EP400: variants seen among roughly 807,000 people sequenced by gnomAD.
EP400 encodes E1A-binding protein p400.
Under a neutral mutation model 354.1 loss-of-function variants are expected in EP400, and 105 were observed. The observed-to-expected ratio is 0.30, with a 90% CI of 0.25 to 0.35. EP400 has a LOEUF of 0.35. EP400 is among the 10% of genes least tolerant of loss of function. The pLI, the probability that EP400 is intolerant of heterozygous loss-of-function variation, is 1.00. For synonymous variants in EP400, 1,646 were observed against 1,716.9 expected, an observed-to-expected ratio of 0.96 and a Z score of 1.02; for missense variants, 3,280 against 4,121.0, an observed-to-expected ratio of 0.80 and a Z score of 5.59.
chr12:132,044,997 C>A lies in EP400; in HGVS notation c.6784+44C>A, dbSNP rs201871498. 8.9e-4 allele frequency: 1,422 copies of A among 1,605,466 alleles called. 2 individuals carry two copies. Among genetic ancestry groups the A allele is most frequent in the Non-Finnish European group, 1.1e-3 (1,353 of 1,176,780 alleles). Reference sequence around the variant, plus strand: ...TCACATGACCTGGGGGGGCCCTGGCCTGCAGAATCCCTGCATGTCAGCCAC... The same window carrying A: ...TCACATGACCTGGGGGGGCCCTGGCATGCAGAATCCCTGCATGTCAGCCAC... On this transcript the variant is annotated intron_variant, in intron 37 of 52. Coordinates refer to ENST00000389561, the MANE Select transcript of EP400 (RefSeq NM_015409.5).
At chr12:131,991,497 G>A (rs1322414286) in intron 10 of EP400, 41 bp downstream of exon 10, 1 of 1,595,098 alleles carries the variant, frequency 6.3e-7, no homozygotes, top group African/African-American at 1.3e-5. Context: ...AGAAGGAGTA[G>A]AAGCAGCTCC....
intron 16 of EP400, among the ~76,000 whole-genome samples, chr12:132,012,427 G>T (rs1893796925): frequency 6.6e-6 from 1 of 152,148 alleles, no homozygotes; most frequent in South Asian, 2.1e-4. Context: ...GGACATGGCG[G>T]AAGGGATGGA....
intron 47 of EP400, 122 bp from the exon 48 acceptor site, chr12:132,064,546 C>T (rs951785684): frequency 4.1e-5 from 55 of 1,335,496 alleles, no homozygotes; most frequent in South Asian, 2.4e-4. Flanking sequence ...GGATGCTGCA[C>T]GGTAGCAGGT....
intron 32 of EP400, among the ~76,000 whole-genome samples, chr12:132,042,809 A>G (rs982176728): frequency 1.3e-5 from 2 of 152,140 alleles, no homozygotes; most frequent in Non-Finnish European, 2.9e-5. Flanking sequence ...GCTGTCTTGT[A>G]TGTTCATAGT....
At position 132,029,836 on chromosome 12, in the gene EP400, G is replaced by T; in HGVS notation, c.5517G>T (p.Gln1839His). The change falls in exon 28 of 53, where the codon CAG (glutamine) becomes CAT (histidine). Residue 1839 changes from glutamine (Q) to histidine (H), a missense_variant. By Grantham distance (24) the Gln-to-His change is conservative. Coordinates refer to ENST00000389561, the MANE Select transcript of EP400 (RefSeq NM_015409.5). The surrounding 1 kb of genome is among the most constrained non-coding windows in gnomAD (Gnocchi z 4.7). ...AGCACGCTGCGCCGTACTTCCAGCAGCTGCGGCAGACCACGGCTCCACGCC... is the reference window on the plus strand; with the variant it reads ...AGCACGCTGCGCCGTACTTCCAGCATCTGCGGCAGACCACGGCTCCACGCC... ...LREHAAPYFQ[Q>H]LRQTTAPRLL... 1 of 1,613,142 alleles carries T rather than the reference G, an allele frequency of 6.2e-7. No individual in the cohort carries two copies.
intron 10 of EP400, among the ~76,000 whole-genome samples, 163 bp downstream of exon 10, chr12:131,991,619 C>T (rs530050034): frequency 2.8e-5 from 4 of 145,038 alleles, no homozygotes; most frequent in Non-Finnish European, 3.0e-5. Flanking sequence ...CTTGCTCTGT[C>T]GCCCAGGCTG....
At position 131,990,275 on chromosome 12, in the gene EP400, G is replaced by A. The variant is rs921984170; in HGVS notation, c.2550+171G>A. Among the ~76,000 whole-genome samples the A allele has an allele frequency of 5.3e-5, 8 of 152,138 alleles. No homozygotes were observed. Among genetic ancestry groups the A allele is most frequent in the Admixed American group, 1.3e-4 (2 of 15,270 alleles). On this transcript the variant is annotated intron_variant, in intron 8 of 52. Transcript: ENST00000389561. This position sits in a 1 kb window ranked among gnomAD's most constrained non-coding sequence, Gnocchi z 4.2. ...TTGTTGGCCTTTGAATGAGCTGCTC[G>A]TGCCTCCGTCTGTCTTGCACAGGGG... is the stretch of plus-strand genomic sequence containing the variant.
chr12:132,014,666 A>G (rs1378921681), intron 19 of EP400, among the ~76,000 whole-genome samples: 1 of 152,000 alleles, frequency 6.6e-6, no homozygotes, highest in Non-Finnish European at 1.5e-5. Flanking sequence ...CTGCAGGGTT[A>G]CCCCCTACCC....
rs2136629953 is a variant in EP400 at position 132,078,545 on chromosome 12, G to A, written c.*872G>A. On this transcript the variant is annotated 3_prime_UTR_variant, in exon 53 of 53. Transcript: ENST00000389561. ...GACACTCTGCCATGGCTGGCGTGAG[G>A]CCCAGAGGACCACGCAGAGGCAATG... The A allele has an allele frequency of 6.6e-6, 1 of 152,460 alleles. No individual in the cohort carries two copies. The highest frequency in any genetic ancestry group is 6.5e-5 in the Admixed American group (1 of 15,306). 9.4% of individuals were successfully genotyped at this position (152,460 alleles called of 1,614,324 possible).
rs1179622962 is a variant in EP400, at chr12:132,069,559, C to T, written c.8939C>T (p.Ala2980Val). The change falls in exon 51 of 53, where the codon GCC becomes GTC. Residue 2980 changes from alanine to valine, a missense_variant. Coordinates refer to ENST00000389561, the MANE Select transcript of EP400 (RefSeq NM_015409.5). ...AAGGTTGCCTACGCCGCGCAGCCGG[C>T]CCTTAAGACCCAGTTTCTTACCACA... ...QQKVAYAAQP[A>V]LKTQFLTTPI... 1.2e-6 allele frequency: 2 copies of T among 1,614,234 alleles called. No homozygotes were observed. The highest frequency in any genetic ancestry group is 1.7e-5 in the Admixed American group (1 of 60,034).
Position 132,013,887 on chromosome 12 carries a change from A to G in EP400, c.3897A>G (p.Leu1299=). 6.2e-7 allele frequency: 1 copy of G among 1,614,270 alleles called. No homozygotes were observed. The highest frequency in any genetic ancestry group is 8.5e-7 in the Non-Finnish European group (1 of 1,180,046). Residue 1299 remains leucine, a synonymous_variant, in exon 19 of 53, where the codon TTA becomes TTG. Transcript: ENST00000389561. The surrounding 1 kb of genome is among the most constrained non-coding windows in gnomAD (Gnocchi z 4.5). ...GCCTTTCTAACCGACAAAAAGCCTT[A>G]TACGAGGACGTTATCCTGCAACCTG... is the stretch of plus-strand genomic sequence containing the variant. The part of the protein sequence containing the change: ...KCRLSNRQKA[L]YEDVILQPGT...
chr12:131,950,010 G>T lies in EP400; in HGVS notation c.-62G>T, dbSNP rs1891402662. ...TTCCATCCTCCCGCCCTCCTGACGC[G>T]GCCGGAGCGCAGCCCTGAGGCCCAG... On this transcript the variant is annotated 5_prime_UTR_variant, in exon 1 of 53. Coordinates refer to ENST00000389561, the MANE Select transcript of EP400 (RefSeq NM_015409.5). 6.6e-6 allele frequency: 1 copy of T among 151,864 alleles called. No homozygotes were observed. The highest frequency in any genetic ancestry group is 1.5e-5 in the Non-Finnish European group (1 of 67,914). 9.4% of individuals were successfully genotyped at this position (151,864 alleles called of 1,614,324 possible). A position where few individuals can be genotyped will look rare whatever the true frequency, so the allele number is the denominator to read the frequency against.
intron 30 of EP400, among the ~76,000 whole-genome samples, chr12:132,036,950 C>T (rs958582201): frequency 6.6e-6 from 1 of 152,080 alleles, no homozygotes; most frequent in African/African-American, 2.4e-5. Flanking sequence ...TATTTAGGAT[C>T]CTTTTAATTT....
rs1891852327 is a variant in EP400 at position 131,960,741 on chromosome 12, C to G, written c.122C>G (p.Pro41Arg). ...HPNPPPSPAAPFAPSASPSAP... is the reference protein window; with the variant it reads ...HPNPPPSPAARFAPSASPSAP... ...AACCCACCCCCGTCCCCCGCAGCTC[C>G]CTTCGCTCCCTCAGCAAGCCCGTCG... The change falls in exon 2 of 53, where the codon CCC (proline) becomes CGC (arginine). Residue 41 changes from proline to arginine, a missense_variant. This residue lies in a region of EP400 where 172 missense variants were observed against 242.9 expected (regional missense o/e 0.71). Coordinates refer to ENST00000389561, the MANE Select transcript of EP400 (RefSeq NM_015409.5). 2.5e-6 allele frequency: 4 copies of G among 1,610,292 alleles called. No homozygotes were observed. Among genetic ancestry groups the G allele is most frequent in the Non-Finnish European group, 3.4e-6 (4 of 1,179,262 alleles).
chr12:132,047,340 G>A (rs1240510337), intron 39 of EP400, among the ~76,000 whole-genome samples: 1 of 152,170 alleles, frequency 6.6e-6, no homozygotes, highest in Non-Finnish European at 1.5e-5. Flanking sequence ...AAAAATTAAA[G>A]CTAAAATATT....
intron 15 of EP400, 26 bp downstream of exon 15, chr12:132,006,903 A>C (rs747107274): frequency 6.2e-7 from 1 of 1,613,234 alleles, no homozygotes; most frequent in Non-Finnish European, 8.5e-7. Context: ...TTTTTTTAAC[A>C]ATACCTATTT....
chr12:132,044,038 T>G (rs1385232106), intron 34 of EP400, 139 bp from the exon 35 acceptor site: 4 of 1,235,356 alleles, frequency 3.2e-6, no homozygotes, highest in Middle Eastern at 2.7e-4. Flanking sequence ...GGCTGCTGCT[T>G]GTGGGGGTGA....
intron 2 of EP400, among the ~76,000 whole-genome samples, chr12:131,970,144 G>A (rs1208371556): frequency 6.6e-6 from 1 of 152,176 alleles, no homozygotes; most frequent in African/African-American, 2.4e-5. Flanking sequence ...ATGCCTGGAG[G>A]AATAGAATAT....
intron 19 of EP400, among the ~76,000 whole-genome samples, chr12:132,015,935 A>G (rs927354216): frequency 1.3e-5 from 2 of 151,908 alleles, no homozygotes; most frequent in Non-Finnish European, 2.9e-5. Context: ...GGTGGCACCC[A>G]TGTTTCTGTA....
Sources: allele counts gnomAD v4.1 joint callset (sites outside exome capture counted in the v4.1 genomes callset), GRCh38; gene constraint gnomAD v4.1.1; regional missense constraint gnomAD v4.1.1; non-coding constraint Gnocchi (gnomAD v3.1); transcripts MANE v1.5; gene names NCBI Gene and HGNC (gene_info 2026-07-23, HGNC 2026-07-21).